The following ZRANB3 variants were observed in gnomAD, a reference collection of about 807,000 sequenced individuals.
ZRANB3 encodes zinc finger RANBP2-type containing 3, also known as DNA annealing helicase and endonuclease ZRANB3.
ZRANB3 carries 125 observed loss-of-function variants against 133.8 expected under a neutral mutation model. That is an observed-to-expected ratio of 0.93 (90% CI 0.81 to 1.08). The LOEUF (loss-of-function observed/expected upper bound fraction) is 1.08. Among genes scored for constraint, ZRANB3 ranks in the 50% least tolerant of loss-of-function variants. The probability of loss-of-function intolerance (pLI) is 0.00; values close to 1 mark genes in which losing one functional copy is unlikely to be tolerated. For synonymous variants in ZRANB3, 387 were observed against 432.7 expected (o/e 0.89, Z 1.31); for missense variants, 1,229 against 1,275.5 (o/e 0.96, Z 0.56).
At chr2:135,525,289 C>G (rs1694104460) in intron 1 of ZRANB3, among the ~76,000 whole-genome samples, 1 of 152,038 alleles carries the variant, frequency 6.6e-6, no homozygotes, top group Non-Finnish European at 1.5e-5. Context: ...TATAATGAAC[C>G]ATCACCTTTT....
At chr2:135,427,409 T>C (rs1056574269) in intron 2 of ZRANB3, among the ~76,000 whole-genome samples, 1 of 152,034 alleles carries the variant, frequency 6.6e-6, no homozygotes, top group Non-Finnish European at 1.5e-5. Context: ...AGCATTTCTA[T>C]ACACAAACAA....
At chr2:135,363,290 C>G (rs781498391) in intron 3 of ZRANB3, among the ~76,000 whole-genome samples, 35 of 152,102 alleles carry the variant, frequency 2.3e-4, no homozygotes, top group Non-Finnish European at 4.7e-4. Context: ...GCCTCAGCCT[C>G]CCAAGTAGCT....
chr2:135,222,442 A>G lies in ZRANB3; in HGVS notation c.2250+1984T>C, dbSNP rs374934697. Among the ~76,000 whole-genome samples, 33 of 152,154 alleles carry G rather than the reference A, an allele frequency of 2.2e-4. No homozygotes were observed. In the South Asian group the frequency reaches 5.8e-3, roughly 27 times the overall value. On this transcript the variant is annotated intron_variant, in intron 15 of 20. Coordinates refer to ENST00000264159, the MANE Select transcript of ZRANB3 (RefSeq NM_032143.4). ...GAAATTTAAAATTTTAGACCAAATA[A>G]AAGTATTCATAATCTATCCAGGCCA...
chr2:135,461,519 C>T lies in ZRANB3; in HGVS notation c.161+42810G>A, dbSNP rs925911296. ...CTGGGAGGCAGAGGCTGCAGTGACC[C>T]GAGGTCACGCCACTGCACTCCAGCC... On this transcript the variant is annotated intron_variant, in intron 2 of 20. Coordinates refer to ENST00000264159, the MANE Select transcript of ZRANB3 (RefSeq NM_032143.4). 3.3e-5 allele frequency among the ~76,000 whole-genome samples: 5 copies of T among 152,032 alleles called. No individual in the cohort carries two copies. The South Asian group carries it at 6.2e-4, about 19-fold the overall frequency.
intron 6 of ZRANB3, among the ~76,000 whole-genome samples, chr2:135,330,976 G>T (rs988761845): frequency 6.6e-6 from 1 of 151,846 alleles, no homozygotes; most frequent in South Asian, 2.1e-4. Flanking sequence ...TATCAATTTT[G>T]TTGATCTTTT....
At chr2:135,476,590 A>G (rs1691507307) in intron 2 of ZRANB3, among the ~76,000 whole-genome samples, 1 of 152,062 alleles carries the variant, frequency 6.6e-6, no homozygotes, top group Non-Finnish European at 1.5e-5. Context: ...TACTTTGTAC[A>G]TTTTCTTAAT....
Position 135,210,361 on chromosome 2 carries a change from G to T in ZRANB3, c.2496-1383C>A, listed in dbSNP as rs530921784. Among the ~76,000 whole-genome samples the T allele has an allele frequency of 2.0e-5, 3 of 150,906 alleles. 1 individual carries two copies. The highest frequency in any genetic ancestry group is 4.2e-4 in the South Asian group (2 of 4,808). ...ATTTTATTTTATTTTTTGAGACAGG[G>T]TCTCACTCTGTTGCCCAGGCTGGAG... On this transcript the variant is annotated intron_variant, in intron 17 of 20. Coordinates refer to ENST00000264159, the MANE Select transcript of ZRANB3 (RefSeq NM_032143.4).
chr2:135,441,634 G>C (rs1689783149), intron 2 of ZRANB3, among the ~76,000 whole-genome samples: 2 of 151,646 alleles, frequency 1.3e-5, no homozygotes, highest in South Asian at 4.2e-4. Context: ...ATATATACTT[G>C]TATAATACAA....
chr2:135,346,507 T>C (rs1314953379), intron 5 of ZRANB3, among the ~76,000 whole-genome samples: 2 of 152,190 alleles, frequency 1.3e-5, no homozygotes, highest in African/African-American at 2.4e-5. Context: ...CTGTATCTAT[T>C]AATCATCTAT....
chr2:135,294,436 G>A (rs1681927451), intron 8 of ZRANB3, among the ~76,000 whole-genome samples: 1 of 152,070 alleles, frequency 6.6e-6, no homozygotes, highest in Admixed American at 6.6e-5. Flanking sequence ...GGGATCGGCG[G>A]TGATATCCCC....
In ZRANB3 at chr2:135,371,279, G is replaced by A. The variant is rs1200727284; in HGVS notation, c.181-17651C>T. Among the ~76,000 whole-genome samples, 10 of 152,170 alleles carry A rather than the reference G, an allele frequency of 6.6e-5. 1 individual carries two copies. The highest frequency in any genetic ancestry group is 6.5e-4 in the Admixed American group (10 of 15,276). On this transcript the variant is annotated intron_variant, in intron 3 of 20. Transcript: ENST00000264159. Reference sequence around the variant, plus strand: ...CACTTAATAAAAACTGGTATGGTAGGAATGTTTGCAACATTTTCTTTACGA... The same window carrying A: ...CACTTAATAAAAACTGGTATGGTAGAAATGTTTGCAACATTTTCTTTACGA...
chr2:135,255,275 G>GACAC (rs113493109), intron 12 of ZRANB3, among the ~76,000 whole-genome samples: 3 of 148,360 alleles, frequency 2.0e-5, no homozygotes, highest in Non-Finnish European at 3.0e-5. Context: ...CACACACACA[G>GACAC]ACACACACAC....
At chr2:135,304,954 T>C (rs1421261390) in intron 8 of ZRANB3, among the ~76,000 whole-genome samples, 1 of 152,130 alleles carries the variant, frequency 6.6e-6, no homozygotes, top group African/African-American at 2.4e-5. Context: ...GTTTTATTCG[T>C]TCAAAACAAT....
At chr2:135,376,330 T>G (rs1686427572) in intron 3 of ZRANB3, among the ~76,000 whole-genome samples, 1 of 152,200 alleles carries the variant, frequency 6.6e-6, no homozygotes, top group Non-Finnish European at 1.5e-5. Context: ...TAGCACACTA[T>G]ATGATCTAGC....
intron 6 of ZRANB3, among the ~76,000 whole-genome samples, chr2:135,317,492 G>A (rs1683318999): frequency 1.3e-5 from 2 of 152,210 alleles, no homozygotes; most frequent in East Asian, 1.9e-4. Context: ...TTGTACAGGT[G>A]TGCAGTATGC....
chr2:135,511,500 C>T (rs1693450305), intron 1 of ZRANB3: 13 of 934,374 alleles, frequency 1.4e-5, no homozygotes, highest in Non-Finnish European at 2.3e-5. Flanking sequence ...CTTCTTCAGA[C>T]TCCTCCTGAG....
chr2:135,476,210 CT>C (rs1691493209), intron 2 of ZRANB3, among the ~76,000 whole-genome samples: 1 of 152,148 alleles, frequency 6.6e-6, no homozygotes, highest in Non-Finnish European at 1.5e-5. Context: ...CATGAAAACA[CT>C]TTTGAAATAA....
chr2:135,455,593 T>TC (rs1266184628), intron 2 of ZRANB3, among the ~76,000 whole-genome samples: 1 of 144,580 alleles, frequency 6.9e-6, no homozygotes, highest in African/African-American at 2.5e-5. Context: ...TTTTTTCTTT[T>TC]TTTTTTTTTT....
At position 135,343,440 on chromosome 2, in the gene ZRANB3, G is replaced by A. The variant is rs562516890; in HGVS notation, c.677+2110C>T. Among the ~76,000 whole-genome samples the A allele has an allele frequency of 8.0e-5, 12 of 149,546 alleles. No homozygotes were observed. In the South Asian group the frequency reaches 2.3e-3, roughly 28 times the overall value. On this transcript the variant is annotated intron_variant, in intron 6 of 20. Transcript: ENST00000264159. ...TGAGGATTTCTGCATTTGTAGTCTC[G>A]TTTTCATTTTTTGTGCTATCTTGTC...
Sources: gnomAD v4.1 joint callset for allele counts (sites outside exome capture counted in the v4.1 genomes callset) on GRCh38, gnomAD v4.1.1 for gene constraint, MANE v1.5 for transcripts, NCBI Gene and HGNC (gene_info 2026-07-23, HGNC 2026-07-21) for gene names.